HIVEP3: variants seen among roughly 807,000 people sequenced by gnomAD.
HIVEP3 encodes HIVEP zinc finger 3, also known as transcription factor HIVEP3.
HIVEP3 carries 49 observed loss-of-function variants against 152.8 expected under a neutral mutation model. The ratio of observed to expected loss-of-function variants is 0.32; its 90% confidence interval spans 0.26 to 0.41. The LOEUF (loss-of-function observed/expected upper bound fraction) is 0.41, where lower values mean the gene tolerates loss of function less well. Among genes scored for constraint, HIVEP3 ranks in the 10% least tolerant of loss-of-function variants. The pLI is 1.00. For synonymous variants in HIVEP3, 1,269 were observed against 1,289.0 expected (o/e 0.98, Z 0.33); for missense variants, 2,790 against 3,103.3 (o/e 0.90, Z 2.40).
In HIVEP3 at chr1:41,754,925, C is replaced by G. The variant is rs1163643202; in HGVS notation, c.-800-53930G>C. On this transcript the variant is annotated intron_variant, in intron 1 of 8. Coordinates refer to ENST00000372583, the MANE Select transcript of HIVEP3 (RefSeq NM_024503.5). ...GCAGCGGAAGTTTAAATTAGTACCA[C>G]CTTTCAGGAGCAGTTTGGTAATACG... Among the ~76,000 whole-genome samples, 3 of 152,140 alleles carry G rather than the reference C, an allele frequency of 2.0e-5. No homozygotes were observed. The East Asian group carries it at 5.8e-4, about 29-fold the overall frequency.
At chr1:41,575,710 C>G in intron 4 of HIVEP3, 21 bp from the exon 5 acceptor site, 1 of 1,612,194 alleles carries the variant, frequency 6.2e-7, no homozygotes, top group South Asian at 1.1e-5. Flanking sequence ...GCAGGAATGA[C>G]AAAATCATTG....
chr1:41,523,880 C>A (rs761329251), intron 6 of HIVEP3, among the ~76,000 whole-genome samples: 9 of 152,220 alleles, frequency 5.9e-5, no homozygotes, highest in Non-Finnish European at 8.8e-5. Flanking sequence ...GTGCCGAGAG[C>A]CCTGGGTCTC....
chr1:41,727,289 G>C (rs1285319056), intron 1 of HIVEP3, among the ~76,000 whole-genome samples: 1 of 152,172 alleles, frequency 6.6e-6, no homozygotes, highest in Non-Finnish European at 1.5e-5. Context: ...GGGGCTGCTT[G>C]GGATCCTAGG....
At chr1:41,999,197 AT>A (rs1432285470) in intron 1 of HIVEP3, among the ~76,000 whole-genome samples, 2 of 152,070 alleles carry the variant, frequency 1.3e-5, no homozygotes, top group African/African-American at 4.8e-5. Flanking sequence ...CCCAGCCATA[AT>A]ACTTTTTTCT....
chr1:41,579,224 G>A (rs1437606301), intron 4 of HIVEP3, among the ~76,000 whole-genome samples: 3 of 152,150 alleles, frequency 2.0e-5, no homozygotes, highest in African/African-American at 7.2e-5. Flanking sequence ...GAATATTTCA[G>A]GAGTTGTTTG....
intron 2 of HIVEP3, among the ~76,000 whole-genome samples, chr1:41,642,172 C>T (rs10890155): frequency 0.5 from 76,736 of 152,084 alleles, 19,901 homozygotes; most frequent in Non-Finnish European, 0.56. Context: ...CCTGCCCAGC[C>T]CACCGATCCA....
At chr1:41,882,509 G>A (rs1292859462) in intron 1 of HIVEP3, among the ~76,000 whole-genome samples, 1 of 152,162 alleles carries the variant, frequency 6.6e-6, no homozygotes, top group Non-Finnish European at 1.5e-5. Flanking sequence ...AGGAGTTGCA[G>A]GAGAAGCAGA....
intron 5 of HIVEP3, among the ~76,000 whole-genome samples, chr1:41,569,686 C>A (rs1195666121): frequency 6.6e-6 from 1 of 152,106 alleles, no homozygotes; most frequent in Non-Finnish European, 1.5e-5. Context: ...CTATTCTCTC[C>A]AAGCTACTAT....
chr1:41,734,101 C>G (rs1476203888), intron 1 of HIVEP3, among the ~76,000 whole-genome samples: 3 of 152,270 alleles, frequency 2.0e-5, no homozygotes, highest in Non-Finnish European at 4.4e-5. Context: ...CTCACCCCTC[C>G]TGGCCTCTCC....
chr1:41,614,085 G>A (rs769230336), intron 3 of HIVEP3, among the ~76,000 whole-genome samples: 1 of 152,220 alleles, frequency 6.6e-6, no homozygotes, highest in Non-Finnish European at 1.5e-5. Flanking sequence ...GCAGTGTGGC[G>A]TCCGGCAGCA....
At chr1:41,750,703 C>CTTT (rs11403164) in intron 1 of HIVEP3, among the ~76,000 whole-genome samples, 2 of 146,082 alleles carry the variant, frequency 1.4e-5, no homozygotes, top group Non-Finnish European at 3.0e-5. Flanking sequence ...GCCCAGTGCA[C>CTTT]TTTTTTTTTT....
intron 1 of HIVEP3, among the ~76,000 whole-genome samples, chr1:41,897,938 G>GGAGAGAGAGAGAGAGA (rs71065103): frequency 3.4e-4 from 44 of 130,074 alleles, no homozygotes; most frequent in African/African-American, 1.1e-3. Flanking sequence ...TGAGAGAGAG[G>GGAGAGAGAGAGAGAGA]GAGAGAGAGA....
chr1:41,574,526 G>A (rs1327395014), intron 5 of HIVEP3, among the ~76,000 whole-genome samples: 1 of 152,112 alleles, frequency 6.6e-6, no homozygotes, highest in Non-Finnish European at 1.5e-5. Context: ...GCCAACTGGT[G>A]GCCCTGGGGA....
intron 1 of HIVEP3, among the ~76,000 whole-genome samples, chr1:41,837,458 C>CT (rs1470398652): frequency 1.3e-5 from 2 of 152,178 alleles, no homozygotes; most frequent in Non-Finnish European, 2.9e-5. Context: ...TCCCGAGTAG[C>CT]TGGGATTACA....
Position 41,981,938 on chromosome 1 carries a change from T to C in HIVEP3, n.119+53869A>G, listed in dbSNP as rs75117230. Among the ~76,000 whole-genome samples the C allele has an allele frequency of 7.5e-3, 1,139 of 152,232 alleles. 12 individuals carry two copies. The highest frequency in any genetic ancestry group is 0.027 in the African/African-American group (1,104 of 41,516). Reference sequence around the variant, plus strand: ...CAGAGGGGTTCTGCTGCCTAGCATTTAAAAGAAGAGGGAAGTAAATATTTC... The same window carrying C: ...CAGAGGGGTTCTGCTGCCTAGCATTCAAAAGAAGAGGGAAGTAAATATTTC... On this transcript the variant is annotated intron_variant and non_coding_transcript_variant, in intron 1 of 3. Coordinates refer to the HIVEP3 transcript ENST00000489103.
At chr1:41,549,201 A>T (rs1643870271) in intron 5 of HIVEP3, among the ~76,000 whole-genome samples, 1 of 152,072 alleles carries the variant, frequency 6.6e-6, no homozygotes, top group Admixed American at 6.6e-5. Flanking sequence ...AAGGACATGA[A>T]CTCATCCTTT....
chr1:41,557,534 G>A (rs960807135), intron 5 of HIVEP3, among the ~76,000 whole-genome samples: 4 of 152,176 alleles, frequency 2.6e-5, no homozygotes, highest in African/African-American at 9.7e-5. Flanking sequence ...AAAGGCATTG[G>A]GGAATGAAGG....
chr1:41,970,906 G>A (rs372699867), intron 1 of HIVEP3, among the ~76,000 whole-genome samples: 16 of 152,254 alleles, frequency 1.1e-4, no homozygotes, highest in African/African-American at 3.9e-4. Context: ...TTGCCCTACA[G>A]GTTTCAGAGG....
At position 41,584,279 on chromosome 1, in the gene HIVEP3, C is replaced by T. The variant is rs1267701051; in HGVS notation, c.519G>A (p.Leu173=). The part of the protein sequence containing the change: ...VFVPRPSQVS[L]KPTEEAHKKE... ...TCTTGTGTGCCTCTTCTGTGGGCTT[C>T]AAGGAGACCTGGGAAGGACGAGGCA... is the stretch of plus-strand genomic sequence containing the variant. Residue 173 remains leucine, a synonymous_variant, in exon 4 of 9, where the codon TTG becomes TTA. Coordinates refer to ENST00000372583, the MANE Select transcript of HIVEP3 (RefSeq NM_024503.5). This position sits in a 1 kb window ranked among gnomAD's most constrained non-coding sequence, Gnocchi z 5.2. The T allele has an allele frequency of 1.9e-6, 3 of 1,613,688 alleles. No homozygotes were observed. Among genetic ancestry groups the T allele is most frequent in the South Asian group, 2.2e-5 (2 of 91,018 alleles).
Sources: allele counts gnomAD v4.1 joint callset (sites outside exome capture counted in the v4.1 genomes callset), GRCh38; gene constraint gnomAD v4.1.1; non-coding constraint Gnocchi (gnomAD v3.1); transcripts MANE v1.5; gene names NCBI Gene and HGNC (gene_info 2026-07-23, HGNC 2026-07-21).